The following WDR20 variants were observed in gnomAD, a reference collection of about 807,000 sequenced individuals.
WDR20 encodes the protein WD repeat domain 20.
Under a neutral mutation model 38.7 loss-of-function variants are expected in WDR20, and 3 were observed. The observed-to-expected ratio is 0.08, with a 90% CI of 0.04 to 0.20. The LOEUF is 0.20. WDR20 is among the 10% of genes least tolerant of loss of function. The pLI is 1.00. For missense variants in WDR20, 559 were observed against 727.7 expected, an observed-to-expected ratio of 0.77 and a Z score of 2.67; for synonymous variants, 298 against 285.6, an observed-to-expected ratio of 1.04 and a Z score of -0.44.
At chr14:102,145,192 G>C (rs571024360) in intron 1 of WDR20, among the ~76,000 whole-genome samples, 2 of 152,282 alleles carry the variant, frequency 1.3e-5, no homozygotes, top group South Asian at 4.1e-4. Flanking sequence ...ACTGAGTAAA[G>C]CCATGTCTGT....
rs138702644 is a variant in WDR20 at position 102,162,564 on chromosome 14, T to C, written c.249+22392T>C. On this transcript the variant is annotated intron_variant, in intron 1 of 2. Coordinates refer to ENST00000342702, the MANE Select transcript of WDR20 (RefSeq NM_144574.4). ...TCACTTGAATACATCAGATAATCTTTCTTTCTTTTTCTCTCTCTCTCTTTC... is the reference window on the plus strand; with the variant it reads ...TCACTTGAATACATCAGATAATCTTCCTTTCTTTTTCTCTCTCTCTCTTTC... Among the ~76,000 whole-genome samples the C allele has an allele frequency of 6.6e-3, 1,000 of 151,800 alleles. 10 individuals are homozygous for C. Among genetic ancestry groups the C allele is most frequent in the Middle Eastern group, 0.048 (14 of 294 alleles).
At chr14:102,211,229 C>T (rs558519561), downstream of WDR20, among the ~76,000 whole-genome samples, 2 of 65,024 alleles carry the variant, frequency 3.1e-5, no homozygotes, top group Admixed American at 1.4e-4. The surrounding 1 kb of genome is among the most constrained non-coding windows in gnomAD (Gnocchi z 4.2). Flanking sequence ...AGGTTGTACA[C>T]CTTTGTAATT....
At chr14:102,193,285 C>T (rs111891422) in intron 1 of WDR20, among the ~76,000 whole-genome samples, 2 of 152,302 alleles carry the variant, frequency 1.3e-5, no homozygotes, top group African/African-American at 4.8e-5. Flanking sequence ...GGCCCCGCTG[C>T]TCACTCGCAG....
chr14:102,188,051 T>A (rs895616912), intron 1 of WDR20, among the ~76,000 whole-genome samples: 3 of 152,200 alleles, frequency 2.0e-5, no homozygotes, highest in Non-Finnish European at 4.4e-5. Context: ...GGAGGGAAGA[T>A]GTGAAATTTA....
intron 1 of WDR20, among the ~76,000 whole-genome samples, chr14:102,146,186 C>G (rs528573385): frequency 1.3e-5 from 2 of 151,730 alleles, no homozygotes; most frequent in African/African-American, 2.4e-5. Context: ...GTTTTTGAGA[C>G]GAAGTCTTGC....
At chr14:102,197,908 C>T in intron 2 of WDR20, 2 of 670,928 alleles carry the variant, frequency 3.0e-6, no homozygotes, top group Non-Finnish European at 5.4e-6. Context: ...AGGACCTTGA[C>T]TACCTACCAC....
chr14:102,187,111 T>C (rs1016088231), intron 1 of WDR20, among the ~76,000 whole-genome samples: 15 of 152,170 alleles, frequency 9.9e-5, no homozygotes, highest in Non-Finnish European at 1.8e-4. Flanking sequence ...CCACTTTTGG[T>C]CCCTGTTTTG....
downstream of WDR20, chr14:102,223,691 G>A (rs1408599741): frequency 1.3e-5 from 2 of 152,410 alleles, no homozygotes; most frequent in Admixed American, 6.5e-5. Flanking sequence ...TTTATCTTCT[G>A]TTAAATTGGC....
intron 1 of WDR20, among the ~76,000 whole-genome samples, chr14:102,145,994 T>C (rs1161174193): frequency 6.6e-6 from 1 of 152,030 alleles, no homozygotes; most frequent in African/African-American, 2.4e-5. Flanking sequence ...CAGTTGTTTT[T>C]TTTTTTTTTA....
At chr14:102,173,855 T>C (rs958809402) in intron 1 of WDR20, among the ~76,000 whole-genome samples, 4 of 152,002 alleles carry the variant, frequency 2.6e-5, no homozygotes, top group South Asian at 2.1e-4. Flanking sequence ...CCATCCTGGC[T>C]AACATGCTGA....
chr14:102,156,045 T>C (rs2057303162), intron 1 of WDR20, among the ~76,000 whole-genome samples: 1 of 151,482 alleles, frequency 6.6e-6, no homozygotes, highest in Non-Finnish European at 1.5e-5. Context: ...CCCAAAGCAT[T>C]GGGATTAGAG....
chr14:102,139,605 G>A (rs985713033), upstream of WDR20: 5 of 671,772 alleles, frequency 7.4e-6, no homozygotes, highest in Non-Finnish European at 1.2e-5. Context: ...TGGCCCTGGC[G>A]GCTGCGGAAC....
At chr14:102,211,565 C>G (rs1597062203), downstream of WDR20, among the ~76,000 whole-genome samples, 1 of 152,332 alleles carries the variant, frequency 6.6e-6, no homozygotes, top group South Asian at 2.1e-4. The surrounding 1 kb of genome is among the most constrained non-coding windows in gnomAD (Gnocchi z 4.2). Context: ...CCTGGCTGTG[C>G]CTTTCACATC....
intron 1 of WDR20, among the ~76,000 whole-genome samples, chr14:102,185,198 A>G (rs538453010): frequency 4.7e-4 from 71 of 152,326 alleles, no homozygotes; most frequent in African/African-American, 1.5e-3. Flanking sequence ...CAAAGCCCAT[A>G]TGATAAGTAG....
At chr14:102,201,837 C>T (rs1295966340) in intron 2 of WDR20, among the ~76,000 whole-genome samples, 2 of 152,194 alleles carry the variant, frequency 1.3e-5, no homozygotes, top group Non-Finnish European at 2.9e-5. Flanking sequence ...TGTGGCCAGG[C>T]CAGCTGCTCT....
downstream of WDR20, chr14:102,213,312 T>C (rs2062789355): frequency 1.0e-6 from 1 of 985,348 alleles, no homozygotes; most frequent in African/African-American, 1.7e-5. Flanking sequence ...AGCAAATGCA[T>C]GTGCAGGAGT....
intron 1 of WDR20, among the ~76,000 whole-genome samples, chr14:102,144,091 G>T (rs2052620908): frequency 6.6e-6 from 1 of 151,954 alleles, no homozygotes; most frequent in South Asian, 2.1e-4. Context: ...AGCGAGGAGG[G>T]CTCTTGAGCC....
At chr14:102,178,720 G>A (rs575156151) in intron 1 of WDR20, among the ~76,000 whole-genome samples, 41 of 151,914 alleles carry the variant, frequency 2.7e-4, no homozygotes, top group Middle Eastern at 6.8e-3. Flanking sequence ...CACAGCGAAC[G>A]AAAACTCAGC....
intron 1 of WDR20, among the ~76,000 whole-genome samples, chr14:102,165,631 CTTT>C (rs1375143304): frequency 2.1e-5 from 3 of 142,860 alleles, no homozygotes; most frequent in African/African-American, 7.7e-5. Flanking sequence ...TTTTTCTTTT[CTTT>C]TCTTTTTTTT....
Sources: gnomAD v4.1 joint callset for allele counts (sites outside exome capture counted in the v4.1 genomes callset) on GRCh38, gnomAD v4.1.1 for gene constraint, Gnocchi (gnomAD v3.1) non-coding constraint, MANE v1.5 for transcripts, NCBI Gene and HGNC (gene_info 2026-07-23, HGNC 2026-07-21) for gene names.